Variants in URGCP observed in about 807,000 individuals in gnomAD.
URGCP encodes up-regulator of cell proliferation.
URGCP carries 13 observed loss-of-function variants against 24.6 expected under a neutral mutation model. The observed-to-expected ratio is 0.53, with a 90% CI of 0.34 to 0.84. The LOEUF is 0.84. URGCP is among the 40% of genes least tolerant of loss of function. The probability of loss-of-function intolerance (pLI) is 0.01; values close to 1 mark genes in which losing one functional copy is unlikely to be tolerated. For missense variants in URGCP, 899 were observed against 1,194.3 expected, an observed-to-expected ratio of 0.75 and a Z score of 3.64; for synonymous variants, 444 against 487.2, an observed-to-expected ratio of 0.91 and a Z score of 1.17.
At chr7:43,898,196 A>G (rs2095882230) in intron 1 of URGCP, among the ~76,000 whole-genome samples, 1 of 152,234 alleles carries the variant, frequency 6.6e-6, no homozygotes, top group African/African-American at 2.4e-5. Context: ...CATTTTCTCC[A>G]TAATGCAAAG....
intron 3 of URGCP, among the ~76,000 whole-genome samples, chr7:43,884,096 T>C (rs1347813245): frequency 6.6e-6 from 1 of 152,068 alleles, no homozygotes; most frequent in Non-Finnish European, 1.5e-5. Context: ...CCAGAGAAAA[T>C]AGGGCCTTGC....
At chr7:43,906,959 C>T (rs1469358394), upstream of URGCP, 1 of 159,786 alleles carries the variant, frequency 6.3e-6, no homozygotes, top group East Asian at 1.7e-4. Flanking sequence ...TTCTTTAGCC[C>T]TGAAGCGTAA....
chr7:43,919,806 G>C (rs2095920055), intron 1 of URGCP: 1 of 1,292,988 alleles, frequency 7.7e-7, no homozygotes, highest in Non-Finnish European at 1.1e-6. Flanking sequence ...CCTGCCCTTG[G>C]CCCACCGGGT....
chr7:43,926,502 G>C (rs1372224058), upstream of URGCP: 2 of 1,506,498 alleles, frequency 1.3e-6, no homozygotes, highest in African/African-American at 1.4e-5. Context: ...AGCCCCGGCC[G>C]GGCCGCCCGG....
At chr7:43,890,862 G>A (rs893551613) in intron 1 of URGCP, among the ~76,000 whole-genome samples, 9 of 152,220 alleles carry the variant, frequency 5.9e-5, no homozygotes, top group African/African-American at 1.2e-4. Context: ...CCCTACTTCC[G>A]GCAGGTCTGC....
chr7:43,918,613 C>CT (rs1292458401), intron 1 of URGCP: 1 of 539,772 alleles, frequency 1.9e-6, no homozygotes, highest in Non-Finnish European at 3.4e-6. Context: ...GAGCGCTCAG[C>CT]TTAATTAAAA....
intron 3 of URGCP, 156 bp from the exon 4 acceptor site, chr7:43,882,113 C>T (rs1242952448): frequency 7.9e-7 from 1 of 1,258,788 alleles, no homozygotes; most frequent in Admixed American, 2.8e-5. Flanking sequence ...GCCTGGGCAA[C>T]AAAGCAAGAC....
chr7:43,918,169 G>A (rs901692511), intron 1 of URGCP, among the ~76,000 whole-genome samples: 1 of 150,474 alleles, frequency 6.6e-6, no homozygotes, highest in Non-Finnish European at 1.5e-5. Context: ...AGCTACTCAG[G>A]AGGCTGATGC....
At position 43,883,640 on chromosome 7, in the gene URGCP, C is replaced by T. The variant is rs182789001; in HGVS notation, c.113-1683G>A. Among the ~76,000 whole-genome samples the T allele has an allele frequency of 3.1e-3, 473 of 152,092 alleles. 4 individuals are homozygous for T. Among genetic ancestry groups the T allele is most frequent in the African/African-American group, 0.011 (449 of 41,498 alleles). Reference sequence around the variant, plus strand: ...CCTCACAGAGCGTTGGGATTACAGGCGTGAGCCACCTTGCCCGGCCCCAAA... The same window carrying T: ...CCTCACAGAGCGTTGGGATTACAGGTGTGAGCCACCTTGCCCGGCCCCAAA... On this transcript the variant is annotated intron_variant, in intron 3 of 5. Coordinates refer to ENST00000453200, the MANE Select transcript of URGCP (RefSeq NM_001077663.3).
At chr7:43,918,451 T>C (rs999732062) in intron 1 of URGCP, among the ~76,000 whole-genome samples, 4 of 151,838 alleles carry the variant, frequency 2.6e-5, no homozygotes, top group Non-Finnish European at 4.4e-5. Context: ...CAGCTAATTT[T>C]TGTATTTTTA....
intron 1 of URGCP, among the ~76,000 whole-genome samples, chr7:43,900,317 T>C (rs1309819052): frequency 4.6e-5 from 7 of 151,018 alleles, no homozygotes; most frequent in Non-Finnish European, 7.4e-5. Flanking sequence ...TAGCCAGGCA[T>C]GGTGGTGCAC....
intron 1 of URGCP, among the ~76,000 whole-genome samples, chr7:43,897,013 C>T (rs1233596365): frequency 6.6e-6 from 1 of 152,112 alleles, no homozygotes; most frequent in African/African-American, 2.4e-5. Flanking sequence ...TCTTGGTTTA[C>T]AGTTCAACAA....
At chr7:43,914,339 C>G (rs1179007552) in intron 1 of URGCP, among the ~76,000 whole-genome samples, 1 of 152,044 alleles carries the variant, frequency 6.6e-6, no homozygotes, top group African/African-American at 2.4e-5. Context: ...GCATCTCTAA[C>G]CACCCTCAAA....
chr7:43,912,794 T>C (rs557888328), intron 1 of URGCP, among the ~76,000 whole-genome samples: 5 of 152,310 alleles, frequency 3.3e-5, no homozygotes, highest in African/African-American at 9.6e-5. Context: ...GACCAGTCTA[T>C]TGGTAATGAA....
Position 43,900,469 on chromosome 7 carries a change from C to CA in URGCP, c.14+6092dup, listed in dbSNP as rs759728715. ...GACCCTGCCTCAAAAAAAACCAAAACAAAAAAAAAAAAAAAAAGAAAAAGA... is the reference window on the plus strand; with the variant it reads ...GACCCTGCCTCAAAAAAAACCAAAACAAAAAAAAAAAAAAAAAAGAAAAAGA... On this transcript the variant is annotated intron_variant, in intron 1 of 5. Coordinates refer to ENST00000453200, the MANE Select transcript of URGCP (RefSeq NM_001077663.3). Among the ~76,000 whole-genome samples the CA allele has an allele frequency of 1.9e-3, 212 of 114,470 alleles. 2 individuals are homozygous for CA. The highest frequency in any genetic ancestry group is 4.4e-3 in the Middle Eastern group (1 of 226). 75.1% of individuals were successfully genotyped at this position (114,470 alleles called of 152,430 possible). A position where few individuals can be genotyped will look rare whatever the true frequency, so the allele number is the denominator to read the frequency against.
At chr7:43,923,308 A>T (rs2095924746) in intron 1 of URGCP, among the ~76,000 whole-genome samples, 1 of 142,176 alleles carries the variant, frequency 7.0e-6, no homozygotes, top group Non-Finnish European at 1.5e-5. Context: ...TCCCAAAGAG[A>T]CAGGGTCTTG....
chr7:43,905,541 C>T (rs2095899901), intron 1 of URGCP: 1 of 152,232 alleles, frequency 6.6e-6, no homozygotes, highest in African/African-American at 2.4e-5. Flanking sequence ...TGGCTCAGGC[C>T]TCATCTGGAG....
chr7:43,921,017 T>C (rs2095921788), intron 1 of URGCP, among the ~76,000 whole-genome samples: 1 of 152,052 alleles, frequency 6.6e-6, no homozygotes, highest in Non-Finnish European at 1.5e-5. Flanking sequence ...ATGTGTTGTG[T>C]GTGATGTCTG....
At chr7:43,899,582 T>C (rs956239633) in intron 1 of URGCP, among the ~76,000 whole-genome samples, 35 of 152,090 alleles carry the variant, frequency 2.3e-4, no homozygotes, top group African/African-American at 8.2e-4. Context: ...AACATAATAA[T>C]TAAATAGTCT....
Sources: gnomAD v4.1 joint callset for allele counts (sites outside exome capture counted in the v4.1 genomes callset) on GRCh38, gnomAD v4.1.1 for gene constraint, MANE v1.5 for transcripts, NCBI Gene and HGNC (gene_info 2026-07-23, HGNC 2026-07-21) for gene names.